The following SIK3 variants were observed in gnomAD, a reference collection of about 807,000 sequenced individuals.
SIK3 encodes SIK family kinase 3.
In SIK3, 28 loss-of-function variants were observed where a neutral mutation model predicts 144.2. The observed-to-expected ratio is 0.19, with a 90% confidence interval of 0.14 to 0.27. The LOEUF (loss-of-function observed/expected upper bound fraction) is 0.27, where lower values mean the gene tolerates loss of function less well. Among genes scored for constraint, SIK3 ranks in the 10% least tolerant of loss-of-function variants. The pLI, the probability that SIK3 is intolerant of heterozygous loss-of-function variation, is 1.00. For missense variants in SIK3, 1,319 were observed against 1,776.0 expected, an observed-to-expected ratio of 0.74 and a Z score of 4.62; for synonymous variants, 686 against 676.3, an observed-to-expected ratio of 1.01 and a Z score of -0.22.
At chr11:116,983,054 T>C (rs939910658) in intron 1 of SIK3, among the ~76,000 whole-genome samples, 2 of 151,806 alleles carry the variant, frequency 1.3e-5, no homozygotes, top group Admixed American at 6.6e-5. Flanking sequence ...TTATTTCATT[T>C]CTTAAAAATT....
intron 9 of SIK3, 42 bp downstream of exon 9, chr11:116,875,824 G>T: frequency 6.4e-7 from 1 of 1,563,228 alleles, no homozygotes. Context: ...TACCCCCCTG[G>T]TGTTACTTGT....
chr11:116,965,393 G>A (rs552927838), intron 1 of SIK3, among the ~76,000 whole-genome samples: 1 of 151,480 alleles, frequency 6.6e-6, no homozygotes, highest in South Asian at 2.1e-4. Context: ...TTAAAAAAAA[G>A]GAGTGGAGGA....
chr11:116,849,373 T>G lies in SIK3; in HGVS notation c.3656-90A>C. 1 of 1,503,282 alleles carries G rather than the reference T, an allele frequency of 6.7e-7. No homozygotes were observed. The highest frequency in any genetic ancestry group is 9.1e-7 in the Non-Finnish European group (1 of 1,097,718). 93.1% of individuals were successfully genotyped at this position (1,503,282 alleles called of 1,614,324 possible). On this transcript the variant is annotated intron_variant, in intron 21 of 24. Transcript: ENST00000445177. This position sits in a 1 kb window ranked among gnomAD's most constrained non-coding sequence, Gnocchi z 4.2. ...CCAAGAAATGTCTTGCAAGGGACAA[T>G]GGGCAAGGCTGAGGAGATCATGTAC...
At chr11:116,990,553 A>T (rs916240659) in intron 1 of SIK3, among the ~76,000 whole-genome samples, 5 of 152,148 alleles carry the variant, frequency 3.3e-5, no homozygotes, top group African/African-American at 1.2e-4. Flanking sequence ...AAATTTTTTA[A>T]AAAAAGAAAA....
At chr11:117,048,912 C>T (rs1451145804) in intron 1 of SIK3, among the ~76,000 whole-genome samples, 3 of 152,072 alleles carry the variant, frequency 2.0e-5, no homozygotes, top group African/African-American at 7.2e-5. Context: ...ACCACCCTGA[C>T]CAACATGGTG....
At chr11:116,967,015 G>A (rs10790168) in intron 1 of SIK3, among the ~76,000 whole-genome samples, 95,039 of 126,244 alleles carry the variant, frequency 0.75, 37,704 homozygotes, top group Non-Finnish European at 0.85. Context: ...AAAAAAAAAA[G>A]AAAAAGAAAA....
chr11:116,925,155 C>A (rs1198017344), intron 4 of SIK3, among the ~76,000 whole-genome samples: 1 of 151,950 alleles, frequency 6.6e-6, no homozygotes, highest in Non-Finnish European at 1.5e-5. Flanking sequence ...GAAGCGCGCA[C>A]CTGTAGTTCC....
At chr11:117,064,060 T>C (rs1953912704) in intron 1 of SIK3, among the ~76,000 whole-genome samples, 1 of 152,160 alleles carries the variant, frequency 6.6e-6, no homozygotes, top group Middle Eastern at 3.2e-3. Context: ...AGTACCCCTG[T>C]TAAAGAGCAC....
intron 1 of SIK3, among the ~76,000 whole-genome samples, chr11:117,004,621 GT>G (rs1014493176): frequency 8.5e-5 from 13 of 152,240 alleles, no homozygotes; most frequent in East Asian, 3.9e-4. Flanking sequence ...AGATAATGGG[GT>G]GGAGGAAATA....
chr11:116,906,872 T>C (rs1403562166), intron 4 of SIK3, among the ~76,000 whole-genome samples: 1 of 152,230 alleles, frequency 6.6e-6, no homozygotes, highest in African/African-American at 2.4e-5. Flanking sequence ...CTTACCAAGA[T>C]TGATGACAAC....
chr11:116,862,643 T>C (rs1240250592), intron 16 of SIK3, among the ~76,000 whole-genome samples: 2 of 152,206 alleles, frequency 1.3e-5, no homozygotes, highest in African/African-American at 4.8e-5. Context: ...ATTGGCTCTT[T>C]ATAGAATCTT....
chr11:116,901,174 T>C (rs1945720952), intron 4 of SIK3, among the ~76,000 whole-genome samples: 1 of 152,234 alleles, frequency 6.6e-6, no homozygotes, highest in Admixed American at 6.5e-5. Context: ...CTCTGCCTTA[T>C]ATTATACTTA....
chr11:117,042,646 CAGTT>C (rs1952797706), intron 1 of SIK3, among the ~76,000 whole-genome samples: 1 of 152,190 alleles, frequency 6.6e-6, no homozygotes, highest in African/African-American at 2.4e-5. Context: ...TGTGGTTTCT[CAGTT>C]AGATTTCATC....
At chr11:116,883,551 T>TCAATGTCAACTGC (rs1275828793) in intron 6 of SIK3, among the ~76,000 whole-genome samples, 9 of 152,168 alleles carry the variant, frequency 5.9e-5, no homozygotes, top group Admixed American at 5.9e-4. Context: ...AGAAACACTG[T>TCAATGTCAACTGC]CAATGTCAAC....
At chr11:116,993,324 T>C (rs1243332833) in intron 1 of SIK3, among the ~76,000 whole-genome samples, 1 of 152,260 alleles carries the variant, frequency 6.6e-6, no homozygotes, top group Non-Finnish European at 1.5e-5. Context: ...ATTTTCAGAC[T>C]GTTTTTTCCT....
At chr11:116,940,287 T>C (rs1591379087) in intron 3 of SIK3, among the ~76,000 whole-genome samples, 1 of 150,922 alleles carries the variant, frequency 6.6e-6, no homozygotes, top group East Asian at 2.0e-4. Context: ...TGGAGTGCAG[T>C]GGTGCGATCT....
intron 3 of SIK3, among the ~76,000 whole-genome samples, chr11:116,931,685 A>G (rs535089001): frequency 2.0e-5 from 3 of 152,284 alleles, no homozygotes; most frequent in African/African-American, 7.2e-5. Context: ...CCAATTCCAA[A>G]CTAACCACAG....
At chr11:116,932,722 T>C (rs1327691049) in intron 3 of SIK3, among the ~76,000 whole-genome samples, 2 of 152,256 alleles carry the variant, frequency 1.3e-5, no homozygotes, top group Admixed American at 1.3e-4. Flanking sequence ...TTCCCATTTA[T>C]GTAATTTCAT....
At chr11:117,087,190 A>G (rs968903776) in intron 1 of SIK3, among the ~76,000 whole-genome samples, 3 of 152,040 alleles carry the variant, frequency 2.0e-5, no homozygotes, top group Non-Finnish European at 4.4e-5. Context: ...CTGTAATACC[A>G]CCACTCTGAG....
Sources: allele counts gnomAD v4.1 joint callset (sites outside exome capture counted in the v4.1 genomes callset), GRCh38; gene constraint gnomAD v4.1.1; non-coding constraint Gnocchi (gnomAD v3.1); transcripts MANE v1.5; gene names NCBI Gene and HGNC (gene_info 2026-07-23, HGNC 2026-07-21).